IL1RAPL1: variants seen among roughly 807,000 people sequenced by gnomAD.
The protein encoded by IL1RAPL1 is interleukin-1 receptor accessory protein-like 1.
A neutral mutation model predicts 48.4 loss-of-function variants in IL1RAPL1; 3 were observed. That is an observed-to-expected ratio of 0.06 (90% CI 0.03 to 0.16). IL1RAPL1 has a LOEUF of 0.16. Among genes scored for constraint, IL1RAPL1 ranks in the 10% least tolerant of loss-of-function variants. The pLI is 1.00. For synonymous variants in IL1RAPL1, 185 were observed against 187.7 expected (o/e 0.99, Z 0.12); for missense variants, 349 against 530.6 (o/e 0.66, Z 3.36).
At chrX:28,814,489 T>A (rs754150562) in intron 2 of IL1RAPL1, among the ~76,000 whole-genome samples, 6 of 109,566 alleles carry the variant, frequency 5.5e-5, no homozygotes, top group Non-Finnish European at 9.5e-5. Flanking sequence ...CAAAAGTGGA[T>A]CTTTCCAACT....
At chrX:29,057,776 A>G (rs1283834025) in intron 2 of IL1RAPL1, among the ~76,000 whole-genome samples, 1 of 111,590 alleles carries the variant, frequency 9.0e-6, no homozygotes, top group Non-Finnish European at 1.9e-5. Flanking sequence ...AATAGCTCCT[A>G]GCTGGATGGA....
intron 6 of IL1RAPL1, among the ~76,000 whole-genome samples, chrX:29,891,449 G>A (rs1333192168): frequency 9.0e-6 from 1 of 111,491 alleles, no homozygotes; most frequent in African/African-American, 3.3e-5. Flanking sequence ...CAAACTTGGA[G>A]ACATGGCTAT....
intron 1 of IL1RAPL1, among the ~76,000 whole-genome samples, chrX:28,770,097 A>T (rs755530003): frequency 3.8e-4 from 43 of 112,091 alleles, no homozygotes; most frequent in African/African-American, 1.3e-3. Flanking sequence ...GACTGTTTTC[A>T]CCAAACGGTG....
intron 1 of IL1RAPL1, among the ~76,000 whole-genome samples, chrX:28,597,911 A>G (rs1229831321): frequency 9.1e-6 from 1 of 110,472 alleles, no homozygotes; most frequent in Non-Finnish European, 1.9e-5. Flanking sequence ...TGTAGCAACA[A>G]TGCTAAGATT....
chrX:28,763,644 C>T (rs1328942067), intron 1 of IL1RAPL1, among the ~76,000 whole-genome samples: 1 of 111,492 alleles, frequency 9.0e-6, no homozygotes, highest in Non-Finnish European at 1.9e-5. Context: ...AATCAATGAC[C>T]TTATGCTTAG....
At chrX:28,613,397 A>G (rs1181158317) in intron 1 of IL1RAPL1, among the ~76,000 whole-genome samples, 1 of 112,666 alleles carries the variant, frequency 8.9e-6, no homozygotes, top group Non-Finnish European at 1.9e-5. Context: ...TGGTGAAAAC[A>G]GTAATCCCCT....
chrX:29,539,934 C>G lies in IL1RAPL1; in HGVS notation c.704-128496C>G, dbSNP rs1016234649. Among the ~76,000 whole-genome samples the G allele has an allele frequency of 1.2e-4, 13 of 111,150 alleles. No homozygotes were observed. In the Admixed American group the frequency reaches 1.3e-3, roughly 11 times the overall value. ...AATGTAGTACTGGTGCTAGCCAGAG[C>G]AATTAGGCAAGTAAAAGAAATAAAA... is the stretch of plus-strand genomic sequence containing the variant. On this transcript the variant is annotated intron_variant, in intron 5 of 10. Coordinates refer to ENST00000378993, the MANE Select transcript of IL1RAPL1 (RefSeq NM_014271.4).
chrX:29,201,146 A>T (rs1217214524), intron 2 of IL1RAPL1, among the ~76,000 whole-genome samples: 1 of 111,567 alleles, frequency 9.0e-6, no homozygotes. Context: ...ACATTTTCCA[A>T]TGCCTAGAGT....
intron 2 of IL1RAPL1, among the ~76,000 whole-genome samples, chrX:28,892,039 A>G (rs748319542): frequency 2.7e-5 from 3 of 111,662 alleles, no homozygotes; most frequent in East Asian, 5.6e-4. Flanking sequence ...AAATCTTTAT[A>G]GCGTTTGGTA....
chrX:29,925,558 G>A (rs1267775276), intron 8 of IL1RAPL1, among the ~76,000 whole-genome samples: 2 of 105,591 alleles, frequency 1.9e-5, no homozygotes, highest in African/African-American at 6.9e-5. Context: ...TATTTTTACA[G>A]ACAAGGCCTC....
chrX:29,069,555 G>A (rs181049382), intron 2 of IL1RAPL1, among the ~76,000 whole-genome samples: 1 of 106,568 alleles, frequency 9.4e-6, no homozygotes, highest in Non-Finnish European at 1.9e-5. Flanking sequence ...GCAGATTGTT[G>A]TCTAGGTCAC....
chrX:29,280,504 G>C (rs191377697), intron 2 of IL1RAPL1, among the ~76,000 whole-genome samples: 11 of 112,483 alleles, frequency 9.8e-5, no homozygotes, highest in Non-Finnish European at 1.1e-4. Flanking sequence ...AGCTGGGTGA[G>C]AACCCCAGCA....
rs956067376 is a variant in IL1RAPL1, at chrX:28,675,835, T to A, written c.-25+87788T>A. Reference sequence around the variant, plus strand: ...AATTAGAAATCATATAAGGAAAATATACAAACAGCGATGCTTAGGTTGTGC... The same window carrying A: ...AATTAGAAATCATATAAGGAAAATAAACAAACAGCGATGCTTAGGTTGTGC... On this transcript the variant is annotated intron_variant, in intron 1 of 10. Coordinates refer to ENST00000378993, the MANE Select transcript of IL1RAPL1 (RefSeq NM_014271.4). 9.9e-5 allele frequency among the ~76,000 whole-genome samples: 11 copies of A among 111,557 alleles called. No homozygotes were observed. In the Admixed American group the frequency reaches 1.1e-3, roughly 11 times the overall value.
At position 29,457,224 on chromosome X, in the gene IL1RAPL1, T is replaced by TC. The variant is rs1934750408; in HGVS notation, c.703+57916_703+57917insC. 2.7e-5 allele frequency among the ~76,000 whole-genome samples: 3 copies of TC among 109,927 alleles called. 1 individual carries two copies. The highest frequency in any genetic ancestry group is 1.0e-4 in the African/African-American group (3 of 30,114). On this transcript the variant is annotated intron_variant, in intron 5 of 10. Coordinates refer to ENST00000378993, the MANE Select transcript of IL1RAPL1 (RefSeq NM_014271.4). ...TTTGGTCCAAAGCATGTGTTTCCTTTAATTTTTTTTCTTTAACTTTTATTT... is the reference window on the plus strand; with the variant it reads ...TTTGGTCCAAAGCATGTGTTTCCTTTCAATTTTTTTTCTTTAACTTTTATTT...
intron 1 of IL1RAPL1, among the ~76,000 whole-genome samples, chrX:28,688,396 A>G (rs954402598): frequency 5.4e-5 from 6 of 110,500 alleles, no homozygotes; most frequent in Non-Finnish European, 1.1e-4. Context: ...TTGTAGAAAC[A>G]AGGTCTCCCT....
intron 1 of IL1RAPL1, among the ~76,000 whole-genome samples, chrX:28,641,932 A>G (rs1253455960): frequency 9.0e-6 from 1 of 111,381 alleles, no homozygotes; most frequent in Non-Finnish European, 1.9e-5. Flanking sequence ...ATGTGCAAAG[A>G]CACACATAGG....
At chrX:29,036,265 C>T (rs1024259439) in intron 2 of IL1RAPL1, among the ~76,000 whole-genome samples, 2 of 112,238 alleles carry the variant, frequency 1.8e-5, no homozygotes, top group Non-Finnish European at 3.8e-5. Flanking sequence ...AAAATAGTTA[C>T]TAACTTCTTA....
chrX:28,757,898 A>G (rs1036543601), intron 1 of IL1RAPL1, among the ~76,000 whole-genome samples: 1 of 111,591 alleles, frequency 9.0e-6, no homozygotes, highest in Non-Finnish European at 1.9e-5. Flanking sequence ...GCAACAACCC[A>G]TTTACTTTTC....
chrX:28,682,499 C>A (rs1270000810), intron 1 of IL1RAPL1, among the ~76,000 whole-genome samples: 2 of 110,249 alleles, frequency 1.8e-5, no homozygotes, highest in Non-Finnish European at 3.8e-5. Context: ...TTGGTAGAGA[C>A]AGGGTTTCAC....
Sources: gnomAD v4.1 joint callset for allele counts (sites outside exome capture counted in the v4.1 genomes callset) on GRCh38, gnomAD v4.1.1 for gene constraint, MANE v1.5 for transcripts, NCBI Gene and HGNC (gene_info 2026-07-23, HGNC 2026-07-21) for gene names.